Variants in ZNF37A observed in about 807,000 individuals in gnomAD.
ZNF37A encodes the protein zinc finger protein 37A.
Under a neutral mutation model 12.3 loss-of-function variants are expected in ZNF37A, and 10 were observed. The observed-to-expected ratio is 0.82, with a 90% confidence interval of 0.50 to 1.38. ZNF37A has a LOEUF of 1.38. Ranked by LOEUF, ZNF37A falls within the 40% of genes most tolerant of loss-of-function variation. The probability of loss-of-function intolerance (pLI) is 0.00; values close to 1 mark genes in which losing one functional copy is unlikely to be tolerated. For synonymous variants in ZNF37A, 207 were observed against 223.0 expected (o/e 0.93, Z 0.64); for missense variants, 580 against 651.2 (o/e 0.89, Z 1.19).
downstream of ZNF37A, among the ~76,000 whole-genome samples, chr10:38,126,111 A>G (rs550575756): frequency 6.6e-6 from 1 of 152,356 alleles, no homozygotes; most frequent in Admixed American, 6.5e-5. Flanking sequence ...TTAGGCAGGC[A>G]AAAATATCCA....
At position 38,120,733 on chromosome 10, in the gene ZNF37A, CAGA is replaced by C. The variant is rs2069643425; in HGVS notation, c.*1901_*1903del. The C allele has an allele frequency of 6.6e-6, 1 of 152,010 alleles. No homozygotes were observed. Among genetic ancestry groups the C allele is most frequent in the African/African-American group, 2.4e-5 (1 of 41,310 alleles). 9.4% of individuals were successfully genotyped at this position (152,010 alleles called of 1,614,324 possible). ...GGAAGGCATGGGGGGGACCAGAAAC[CAGA>C]AGAACAATCAAGACTGCAATGAAAA... On this transcript the variant is annotated 3_prime_UTR_variant, in exon 8 of 8. Coordinates refer to ENST00000685332, the MANE Select transcript of ZNF37A (RefSeq NM_001324250.3).
At position 38,117,638 on chromosome 10, in the gene ZNF37A, G is replaced by A. The variant is rs751152111; in HGVS notation, c.487G>A (p.Val163Ile). The change falls in exon 8 of 8, where the codon GTA (valine) becomes ATA (isoleucine). Residue 163 changes from valine (V) to isoleucine (I), a missense_variant. Val to Ile is a conservative substitution (Grantham distance 29). Coordinates refer to ENST00000685332, the MANE Select transcript of ZNF37A (RefSeq NM_001324250.3). ...KAFPENSLFL[V>I]HKRGYTGQKT... ...TTTCCCTGAGAATTCACTCTTCCTT[G>A]TACATAAGAGAGGTTACACAGGACA... 9 of 1,613,714 alleles carry A rather than the reference G, an allele frequency of 5.6e-6. No homozygotes were observed. In the African/African-American group the frequency reaches 1.1e-4, roughly 19 times the overall value.
intron 5 of ZNF37A, 100 bp downstream of exon 5, chr10:38,096,732 A>C: frequency 8.2e-7 from 1 of 1,218,658 alleles, no homozygotes; most frequent in Non-Finnish European, 1.2e-6. Flanking sequence ...ATCAGGGAAA[A>C]TATAGAGGAG....
chr10:38,149,571 C>CTT lies in ZNF37A; in HGVS notation c.*2771_*2772dup, dbSNP rs549404724. ...CACCTTCCAACATTCTACAGTTGTG[C>CTT]TTTTTTTTTTTTTTTTTTTTTGAGA... On this transcript the variant is annotated 3_prime_UTR_variant, in exon 8 of 8. Coordinates refer to the ZNF37A transcript ENST00000638053. 1.9e-3 allele frequency: 183 copies of CTT among 95,674 alleles called. 4 individuals carry two copies. The highest frequency in any genetic ancestry group is 2.7e-3 in the African/African-American group (65 of 24,404). 5.9% of individuals were successfully genotyped at this position (95,674 alleles called of 1,614,324 possible).
chr10:38,117,719 A>G lies in ZNF37A; in HGVS notation c.568A>G (p.Thr190Ala). ...GKTCDMSFFI[T>A]HQQTHPRENH... is the part of the protein sequence containing the mutation. ...AACCTGTGATATGTCATTTTTCATCACTCATCAGCAAACACATCCAAGAGA... is the reference window on the plus strand; with the variant it reads ...AACCTGTGATATGTCATTTTTCATCGCTCATCAGCAAACACATCCAAGAGA... Residue 190 changes from threonine (T) to alanine (A), a missense_variant, in exon 8 of 8, where the codon ACT becomes GCT. Transcript: ENST00000685332. The G allele has an allele frequency of 6.2e-7, 1 of 1,613,908 alleles. No individual in the cohort carries two copies. The highest frequency in any genetic ancestry group is 8.5e-7 in the Non-Finnish European group (1 of 1,179,964).
intron 7 of ZNF37A, among the ~76,000 whole-genome samples, chr10:38,133,485 GC>G (rs1229979757): frequency 1.0e-5 from 1 of 98,958 alleles, no homozygotes; most frequent in African/African-American, 4.2e-5. Flanking sequence ...CCCATGACAG[GC>G]CCCAATGTGT....
At chr10:38,104,391 G>T (rs775549459) in intron 5 of ZNF37A, among the ~76,000 whole-genome samples, 1 of 152,022 alleles carries the variant, frequency 6.6e-6, no homozygotes, top group East Asian at 1.9e-4. Context: ...GTCATACCAG[G>T]AATGTTCTGG....
At chr10:38,144,065 T>A (rs16905726) in intron 7 of ZNF37A, 10,681 of 152,164 alleles carry the variant, frequency 0.07, 387 homozygotes, top group African/African-American at 0.089. Flanking sequence ...GTCAACAGGG[T>A]TGTGGAAGTG....
At chr10:38,112,777 T>C (rs1564932324) in intron 5 of ZNF37A, among the ~76,000 whole-genome samples, 2,898 of 62,768 alleles carry the variant, frequency 0.046, 346 homozygotes, top group African/African-American at 0.062. Context: ...TTTCTTTTCT[T>C]TTCTTTTCTT....
downstream of ZNF37A, among the ~76,000 whole-genome samples, chr10:38,130,248 A>C (rs1204010874): frequency 1.3e-5 from 2 of 152,172 alleles, no homozygotes; most frequent in Non-Finnish European, 2.9e-5. Context: ...TTGCATGTTC[A>C]TACCATGATT....
intron 7 of ZNF37A, chr10:38,139,344 T>C (rs1467148810): frequency 1.3e-5 from 2 of 152,122 alleles, no homozygotes; most frequent in Non-Finnish European, 2.9e-5. Context: ...GTTGAACCTC[T>C]AACTGTATTT....
chr10:38,124,703 C>T (rs1401912207), downstream of ZNF37A: 1 of 152,134 alleles, frequency 6.6e-6, no homozygotes, highest in East Asian at 1.9e-4. Flanking sequence ...AATATTTATT[C>T]TTAGTACTGG....
intron 7 of ZNF37A, chr10:38,140,949 T>G (rs991142868): frequency 1.3e-5 from 2 of 152,174 alleles, no homozygotes; most frequent in Non-Finnish European, 2.9e-5. Context: ...GAGACTAATC[T>G]TTCCCATGGA....
intron 5 of ZNF37A, among the ~76,000 whole-genome samples, chr10:38,100,878 G>A (rs894472749): frequency 3.9e-5 from 6 of 152,096 alleles, no homozygotes; most frequent in Non-Finnish European, 8.8e-5. Context: ...ACAGGCATAA[G>A]AAATTATAAA....
intron 5 of ZNF37A, among the ~76,000 whole-genome samples, chr10:38,104,239 T>A (rs2067837625): frequency 6.6e-6 from 1 of 152,094 alleles, no homozygotes; most frequent in South Asian, 2.1e-4. Flanking sequence ...AGACTAGCCC[T>A]GAGAAAGTTT....
intron 7 of ZNF37A, chr10:38,139,039 G>A (rs963584330): frequency 3.9e-5 from 6 of 152,160 alleles, no homozygotes; most frequent in African/African-American, 1.2e-4. Flanking sequence ...GCTACAGGCA[G>A]GTTTGGAGTG....
Position 38,118,149 on chromosome 10 carries a change from G to A in ZNF37A, c.998G>A (p.Gly333Glu). The change falls in exon 8 of 8, where the codon GGG (glycine) becomes GAG (glutamate). Residue 333 changes from glycine (G) to glutamate (E), a missense_variant. Transcript: ENST00000685332. ...GERPYGCHEC[G>E]KSFSEKSTLT... ...AGACCTTATGGATGTCATGAATGTG[G>A]GAAATCCTTCAGTGAAAAGTCAACC... is the stretch of plus-strand genomic sequence containing the variant. 6.2e-7 allele frequency: 1 copy of A among 1,613,962 alleles called. No homozygotes were observed. Among genetic ancestry groups the A allele is most frequent in the Non-Finnish European group, 8.5e-7 (1 of 1,179,900 alleles).
chr10:38,099,490 T>A (rs1260903846), intron 5 of ZNF37A, among the ~76,000 whole-genome samples: 1 of 152,244 alleles, frequency 6.6e-6, no homozygotes, highest in Non-Finnish European at 1.5e-5. Flanking sequence ...TGATATTTCA[T>A]TGTACCCATG....
chr10:38,126,633 A>G (rs1204031359), downstream of ZNF37A, among the ~76,000 whole-genome samples: 2 of 152,204 alleles, frequency 1.3e-5, no homozygotes, highest in African/African-American at 2.4e-5. Flanking sequence ...GGGATGGCCA[A>G]TGAGGAAGAA....
Sources: gnomAD v4.1 joint callset for allele counts (sites outside exome capture counted in the v4.1 genomes callset) on GRCh38, gnomAD v4.1.1 for gene constraint, MANE v1.5 for transcripts, NCBI Gene and HGNC (gene_info 2026-07-23, HGNC 2026-07-21) for gene names.